ARHGAP6: variants seen among roughly 807,000 people sequenced by gnomAD.
The protein encoded by ARHGAP6 is Rho GTPase activating protein 6, also known as rho GTPase-activating protein 6.
In ARHGAP6, 16 loss-of-function variants were observed where a neutral mutation model predicts 55.7. The ratio of observed to expected loss-of-function variants is 0.29; its 90% confidence interval spans 0.19 to 0.44. The LOEUF is 0.44. Ranked by LOEUF, ARHGAP6 falls within the 20% of genes least tolerant of loss-of-function variation. The probability of loss-of-function intolerance (pLI) is 1.00; values close to 1 mark genes in which losing one functional copy is unlikely to be tolerated. For missense variants in ARHGAP6, 698 were observed against 808.9 expected (o/e 0.86, Z 1.66); for synonymous variants, 382 against 360.9 (o/e 1.06, Z -0.66).
intron 9 of ARHGAP6, among the ~76,000 whole-genome samples, chrX:11,157,481 G>A (rs1400278796): frequency 8.9e-6 from 1 of 112,081 alleles, no homozygotes; most frequent in Non-Finnish European, 1.9e-5. Context: ...TCCATCCACA[G>A]TACATTAGAA....
intron 1 of ARHGAP6, among the ~76,000 whole-genome samples, chrX:11,614,146 G>A (rs2052135651): frequency 1.8e-5 from 2 of 111,102 alleles, no homozygotes; most frequent in African/African-American, 6.6e-5. Flanking sequence ...AGGACCTGCT[G>A]GGCAGACATG....
intron 1 of ARHGAP6, among the ~76,000 whole-genome samples, chrX:11,474,543 T>A (rs1603224962): frequency 8.9e-6 from 1 of 112,326 alleles, no homozygotes. Context: ...TTTTTCTTAG[T>A]CATACAGAAG....
intron 1 of ARHGAP6, among the ~76,000 whole-genome samples, chrX:11,536,564 G>A: frequency 8.9e-6 from 1 of 111,970 alleles, no homozygotes; most frequent in Middle Eastern, 4.6e-3. Flanking sequence ...TGCTACTTCT[G>A]GGAGAACCTC....
intron 1 of ARHGAP6, among the ~76,000 whole-genome samples, chrX:11,618,489 A>G (rs1446441080): frequency 8.9e-6 from 1 of 112,080 alleles, no homozygotes; most frequent in Admixed American, 9.4e-5. Context: ...CTGATAGCTG[A>G]TATATTCTAG....
intron 1 of ARHGAP6, chrX:11,335,702 C>T (rs779589212): frequency 3.4e-5 from 11 of 320,986 alleles, no homozygotes; most frequent in East Asian, 2.0e-4. Context: ...CTTATTGTCC[C>T]GGTAGGCACC....
intron 1 of ARHGAP6, among the ~76,000 whole-genome samples, chrX:11,257,262 C>A (rs1210890762): frequency 1.8e-5 from 2 of 112,052 alleles, no homozygotes; most frequent in African/African-American, 3.2e-5. Context: ...GAATTACATA[C>A]CTATTCTTTA....
chrX:11,434,843 C>G (rs1032945464), intron 1 of ARHGAP6, among the ~76,000 whole-genome samples: 1 of 111,711 alleles, frequency 9.0e-6, no homozygotes, highest in African/African-American at 3.3e-5. Flanking sequence ...GAGGATGAGC[C>G]AGGGAGTTCC....
At chrX:11,364,724 A>G (rs1217375814) in intron 1 of ARHGAP6, among the ~76,000 whole-genome samples, 1 of 112,073 alleles carries the variant, frequency 8.9e-6, no homozygotes, top group Non-Finnish European at 1.9e-5. Flanking sequence ...AGATGCAAAT[A>G]TAATTCCCTG....
chrX:11,643,127 G>C (rs1345129020), intron 1 of ARHGAP6, among the ~76,000 whole-genome samples: 1 of 111,411 alleles, frequency 9.0e-6, no homozygotes, highest in African/African-American at 3.3e-5. Context: ...TCATACTATA[G>C]AGTCCTTTCC....
At chrX:11,222,443 G>A (rs1334063121) in intron 2 of ARHGAP6, among the ~76,000 whole-genome samples, 3 of 111,691 alleles carry the variant, frequency 2.7e-5, no homozygotes, top group African/African-American at 9.7e-5. Flanking sequence ...GTATTATGGT[G>A]CAGATCTTTT....
At chrX:11,351,666 C>G (rs1644342234) in intron 1 of ARHGAP6, 2 of 622,825 alleles carry the variant, frequency 3.2e-6, no homozygotes, top group South Asian at 1.7e-4. Flanking sequence ...CGTCAGAAGT[C>G]TGCTGGACCC....
intron 1 of ARHGAP6, among the ~76,000 whole-genome samples, chrX:11,559,479 T>C (rs1490490503): frequency 1.8e-5 from 2 of 111,773 alleles, no homozygotes; most frequent in African/African-American, 6.5e-5. Flanking sequence ...TCTGTTACCC[T>C]TATAATCACT....
At chrX:11,223,881 T>C (rs1453689201) in intron 2 of ARHGAP6, among the ~76,000 whole-genome samples, 3 of 111,271 alleles carry the variant, frequency 2.7e-5, no homozygotes, top group Non-Finnish European at 5.7e-5. Context: ...CAGTAAACTC[T>C]CCTTTGTTTT....
Position 11,611,623 on chromosome X carries a change from T to TA in ARHGAP6, c.588+52617dup, listed in dbSNP as rs765365438. On this transcript the variant is annotated intron_variant, in intron 1 of 12. Transcript: ENST00000337414. ...ACTCTGCAGCTGAGAAAAAAAATCT[T>TA]AAAAAACCTTCCAAAGGAAGCGCAC... 2.8e-3 allele frequency among the ~76,000 whole-genome samples: 319 copies of TA among 112,011 alleles called. 1 individual carries two copies. The highest frequency in any genetic ancestry group is 9.8e-3 in the African/African-American group (304 of 30,894).
chrX:11,300,792 T>G (rs1337736069), intron 1 of ARHGAP6: 1 of 461,293 alleles, frequency 2.2e-6, no homozygotes, highest in East Asian at 3.6e-5. Context: ...GAAACTTAAA[T>G]TTTCCTATCA....
intron 2 of ARHGAP6, among the ~76,000 whole-genome samples, chrX:11,233,951 G>T (rs1342872464): frequency 8.9e-6 from 1 of 112,352 alleles, no homozygotes; most frequent in Non-Finnish European, 1.9e-5. Context: ...AGTCCTTAGG[G>T]GGAAAATATC....
At chrX:11,438,070 C>T (rs1190835345) in intron 1 of ARHGAP6, among the ~76,000 whole-genome samples, 1 of 112,526 alleles carries the variant, frequency 8.9e-6, no homozygotes, top group East Asian at 2.8e-4. Flanking sequence ...TTTCGTACTC[C>T]TCCTTACTGA....
chrX:11,408,835 A>C (rs1405408086), intron 1 of ARHGAP6, among the ~76,000 whole-genome samples: 1 of 110,286 alleles, frequency 9.1e-6, no homozygotes, highest in African/African-American at 3.3e-5. Flanking sequence ...TGAGTGTCCA[A>C]AAGGCTGTAA....
intron 2 of ARHGAP6, among the ~76,000 whole-genome samples, chrX:11,215,799 G>A (rs1293021545): frequency 1.8e-5 from 2 of 112,443 alleles, no homozygotes; most frequent in Admixed American, 9.4e-5. Flanking sequence ...TGCTCTCTGC[G>A]CGGGGGGCAC....
Sources: gnomAD v4.1 joint callset for allele counts (sites outside exome capture counted in the v4.1 genomes callset) on GRCh38, gnomAD v4.1.1 for gene constraint, MANE v1.5 for transcripts, NCBI Gene and HGNC (gene_info 2026-07-23, HGNC 2026-07-21) for gene names.